Variants in UPP2 observed in about 807,000 individuals in gnomAD.
UPP2 encodes the protein uridine phosphorylase 2.
A neutral mutation model predicts 26.7 loss-of-function variants in UPP2; 23 were observed. The ratio of observed to expected loss-of-function variants is 0.86; its 90% CI spans 0.62 to 1.22. The LOEUF (loss-of-function observed/expected upper bound fraction) is 1.22. UPP2 is among the 50% of genes most tolerant of loss of function. UPP2 has a pLI of 0.00. For missense variants in UPP2, 387 were observed against 396.7 expected (o/e 0.98, Z 0.21); for synonymous variants, 127 against 141.3 (o/e 0.90, Z 0.72).
intron 3 of UPP2, among the ~76,000 whole-genome samples, chr2:158,023,127 T>C (rs1424828202): frequency 1.9e-5 from 1 of 52,262 alleles, no homozygotes; most frequent in East Asian, 5.5e-4. Context: ...GAGGTGGGGG[T>C]GGGTGTGGGA....
chr2:158,060,986 T>G (rs1015661566), intron 3 of UPP2, among the ~76,000 whole-genome samples: 2 of 152,252 alleles, frequency 1.3e-5, no homozygotes, highest in Admixed American at 1.3e-4. Context: ...AGTGATAGCA[T>G]GTCCTTACAA....
At chr2:158,118,869 C>T (rs1468078442) in intron 4 of UPP2, among the ~76,000 whole-genome samples, 1 of 152,022 alleles carries the variant, frequency 6.6e-6, no homozygotes, top group African/African-American at 2.4e-5. Context: ...CCATGCTTCA[C>T]TAGAAATCAG....
At chr2:158,075,117 A>C (rs1682610901) in intron 3 of UPP2, among the ~76,000 whole-genome samples, 1 of 152,228 alleles carries the variant, frequency 6.6e-6, no homozygotes, top group South Asian at 2.1e-4. Context: ...AAGTACCCAG[A>C]TATAAAGCAA....
chr2:158,025,803 C>A (rs1449101411), intron 3 of UPP2, among the ~76,000 whole-genome samples: 1 of 152,182 alleles, frequency 6.6e-6, no homozygotes, highest in Non-Finnish European at 1.5e-5. Context: ...CGGAAGACAT[C>A]CTCTGACGCA....
chr2:158,104,790 C>G (rs1379320367), intron 1 of UPP2, among the ~76,000 whole-genome samples: 4 of 151,842 alleles, frequency 2.6e-5, no homozygotes, highest in Non-Finnish European at 5.9e-5. Context: ...GGTATGGTGG[C>G]AGGCACCTGT....
At chr2:158,082,331 C>T (rs1384914445) in intron 3 of UPP2, among the ~76,000 whole-genome samples, 1 of 151,768 alleles carries the variant, frequency 6.6e-6, no homozygotes, top group Non-Finnish European at 1.5e-5. Flanking sequence ...TTGTACCCAA[C>T]GTGTAGCCTT....
upstream of UPP2, among the ~76,000 whole-genome samples, chr2:158,097,923 T>C (rs1183776012): frequency 1.3e-5 from 2 of 152,082 alleles, no homozygotes; most frequent in East Asian, 3.9e-4. Context: ...GCCTTTTTCA[T>C]AGTGCACACT....
chr2:158,121,378 T>C (rs538349875), intron 4 of UPP2, 31 bp from the exon 5 acceptor site: 2 of 1,577,612 alleles, frequency 1.3e-6, no homozygotes, highest in South Asian at 1.1e-5. Context: ...TAAACGATAT[T>C]CTTCTGTAAT....
intron 2 of UPP2, among the ~76,000 whole-genome samples, chr2:158,108,809 G>A (rs1406969516): frequency 6.6e-6 from 1 of 151,254 alleles, no homozygotes; most frequent in Non-Finnish European, 1.5e-5. Context: ...AAAAAGACAT[G>A]CTCTGTTTCA....
intron 3 of UPP2, among the ~76,000 whole-genome samples, chr2:158,058,433 G>GTGTGTGTGTGTGTA (rs1202906616): frequency 6.6e-6 from 1 of 151,016 alleles, no homozygotes; most frequent in African/African-American, 2.4e-5. Flanking sequence ...GTGTGTGTGT[G>GTGTGTGTGTGTGTA]TGTGTGTGTG....
intron 3 of UPP2, 53 bp downstream of exon 3, chr2:158,115,312 T>C (rs1039883352): frequency 2.0e-6 from 3 of 1,506,370 alleles, no homozygotes; most frequent in East Asian, 2.4e-5. Context: ...GAGAAAAAAG[T>C]GGGAACTTTT....
At chr2:158,114,360 G>C (rs778261139) in intron 2 of UPP2, among the ~76,000 whole-genome samples, 25 of 151,796 alleles carry the variant, frequency 1.6e-4, no homozygotes, top group Non-Finnish European at 2.9e-4. Flanking sequence ...TGGTACCTGG[G>C]GCTAGGGTAC....
rs914308512 is a variant in UPP2 at position 158,017,753 on chromosome 2, A to G, written c.147+1867A>G. 6.6e-5 allele frequency among the ~76,000 whole-genome samples: 10 copies of G among 152,220 alleles called. No individual in the cohort carries two copies. The East Asian group carries it at 1.9e-3, about 29-fold the overall frequency. ...ATAGGGGGAACCAAATTTGACTCCA[A>G]AACTAATTAAGATGTTCAAGTGCTT... On this transcript the variant is annotated intron_variant, in intron 3 of 9. Coordinates refer to the UPP2 transcript ENST00000605860.
At chr2:158,011,560 C>A (rs1462720344) in intron 2 of UPP2, among the ~76,000 whole-genome samples, 1 of 151,920 alleles carries the variant, frequency 6.6e-6, no homozygotes, top group Non-Finnish European at 1.5e-5. Flanking sequence ...GTCAAGGGAG[C>A]TAGGCTCAGC....
chr2:158,089,809 G>T (rs944097784), intron 3 of UPP2, among the ~76,000 whole-genome samples: 1 of 152,178 alleles, frequency 6.6e-6, no homozygotes, highest in Admixed American at 6.5e-5. Context: ...ATGTTTGGGG[G>T]CAGAATATCC....
intron 3 of UPP2, among the ~76,000 whole-genome samples, chr2:158,016,874 A>G (rs545388466): frequency 6.6e-6 from 1 of 152,248 alleles, no homozygotes; most frequent in African/African-American, 2.4e-5. Flanking sequence ...CCTCTGAACA[A>G]AAAAGAAAGC....
chr2:158,082,613 A>G (rs1244290487), intron 3 of UPP2, among the ~76,000 whole-genome samples: 1 of 152,258 alleles, frequency 6.6e-6, no homozygotes, highest in Non-Finnish European at 1.5e-5. Flanking sequence ...ACCCTAGAAG[A>G]AAACCTAAGC....
rs937894775 is a variant in UPP2 at position 158,048,660 on chromosome 2, CT to C, written c.147+32775del. ...ACTGAGGACTCCCTACATATCTTCC[CT>C]CTCAGCTTTTGCCCTTTGTAGTGCA... is the stretch of plus-strand genomic sequence containing the variant. On this transcript the variant is annotated intron_variant, in intron 3 of 9. Transcript: ENST00000605860. Among the ~76,000 whole-genome samples the C allele has an allele frequency of 1.1e-4, 16 of 152,342 alleles. 1 individual carries two copies. The highest frequency in any genetic ancestry group is 8.5e-4 in the Admixed American group (13 of 15,302).
chr2:158,071,945 G>A (rs1479583560), intron 3 of UPP2, among the ~76,000 whole-genome samples: 1 of 152,170 alleles, frequency 6.6e-6, no homozygotes, highest in Non-Finnish European at 1.5e-5. Context: ...GAGAAAAGCA[G>A]AGGGAAAAGT....
Sources: gnomAD v4.1 joint callset for allele counts (sites outside exome capture counted in the v4.1 genomes callset) on GRCh38, gnomAD v4.1.1 for gene constraint, MANE v1.5 for transcripts, NCBI Gene and HGNC (gene_info 2026-07-23, HGNC 2026-07-21) for gene names.